The following PCDHGA1 variants were observed in gnomAD, a reference collection of about 807,000 sequenced individuals.
PCDHGA1 encodes protocadherin gamma subfamily A, 1.
PCDHGA1 carries 32 observed loss-of-function variants against 58.0 expected under a neutral mutation model. The observed-to-expected ratio is 0.55, with a 90% CI of 0.42 to 0.74. The LOEUF is 0.74. Ranked by LOEUF, PCDHGA1 falls within the 30% of genes least tolerant of loss-of-function variation. The probability of loss-of-function intolerance (pLI) is 0.00; values close to 1 mark genes in which losing one functional copy is unlikely to be tolerated. For missense variants in PCDHGA1, 1,205 were observed against 1,182.3 expected (o/e 1.02, Z -0.28); for synonymous variants, 498 against 501.1 (o/e 0.99, Z 0.08).
At chr5:141,403,491 T>A in intron 1 of PCDHGA1, 1 of 1,614,010 alleles carries the variant, frequency 6.2e-7, no homozygotes, top group South Asian at 1.1e-5. Context: ...CACTTCTCCC[T>A]GAACGTGCAG....
At position 141,332,787 on chromosome 5, in the gene PCDHGA1, C is replaced by T; in HGVS notation, c.2103C>T (p.Ser701=). 2 of 1,614,174 alleles carry T rather than the reference C, an allele frequency of 1.2e-6. No individual in the cohort carries two copies. Residue 701 remains serine (S), a synonymous_variant, in exon 1 of 4, where the codon TCC becomes TCT. Transcript: ENST00000517417. The surrounding 1 kb of genome is among the most constrained non-coding windows in gnomAD (Gnocchi z 4.6). ...LYLVVAAAAV[S]CVFLAFVIVL... ...TGGTGGTGGCGGCGGCCGCGGTCTC[C>T]TGCGTCTTCCTGGCCTTCGTCATCG...
intron 1 of PCDHGA1, among the ~76,000 whole-genome samples, chr5:141,474,185 C>T (rs1481544975): frequency 1.3e-5 from 2 of 152,180 alleles, no homozygotes; most frequent in Non-Finnish European, 2.9e-5. Flanking sequence ...AAACTACTTA[C>T]ATTTTTAAAA....
chr5:141,420,673 A>T (rs1244699899), intron 1 of PCDHGA1, among the ~76,000 whole-genome samples: 5 of 152,208 alleles, frequency 3.3e-5, no homozygotes, highest in Admixed American at 3.3e-4. Flanking sequence ...CTACCTGATG[A>T]TTTTATCGGG....
chr5:141,403,849 G>A, intron 1 of PCDHGA1: 1 of 1,613,560 alleles, frequency 6.2e-7, no homozygotes, highest in East Asian at 2.2e-5. Flanking sequence ...AAAATACTGG[G>A]GAAATATCAA....
chr5:141,443,167 C>T (rs745545091), intron 1 of PCDHGA1, among the ~76,000 whole-genome samples: 4 of 152,084 alleles, frequency 2.6e-5, no homozygotes, highest in Non-Finnish European at 5.9e-5. Flanking sequence ...TTTCCCTACC[C>T]ATGTCCACTG....
In PCDHGA1 at chr5:141,511,330, T is replaced by C; in HGVS notation, c.*157T>C. 1 of 1,455,994 alleles carries C rather than the reference T, an allele frequency of 6.9e-7. No homozygotes were observed. The highest frequency in any genetic ancestry group is 9.1e-7 in the Non-Finnish European group (1 of 1,093,254). 90.2% of individuals were successfully genotyped at this position (1,455,994 alleles called of 1,614,324 possible). ...TTGGGAAACAGAAACAAGTGCCCAG[T>C]CAGCACCTACCCCTTCCCCCCCAGG... On this transcript the variant is annotated 3_prime_UTR_variant, in exon 4 of 4. Coordinates refer to ENST00000517417, the MANE Select transcript of PCDHGA1 (RefSeq NM_018912.3).
chr5:141,510,289 A>T (rs1279501931), intron 3 of PCDHGA1, among the ~76,000 whole-genome samples: 3 of 151,754 alleles, frequency 2.0e-5, no homozygotes, highest in Non-Finnish European at 4.4e-5. Context: ...AAAAAAAAAA[A>T]AATGCTGTTT....
intron 2 of PCDHGA1, among the ~76,000 whole-genome samples, chr5:141,499,029 A>G (rs140948405): frequency 1.5e-3 from 205 of 140,068 alleles, no homozygotes; most frequent in African/African-American, 5.5e-3. Context: ...AGGAAGGAAG[A>G]AAAGAAAGAA....
In PCDHGA1 at chr5:141,490,081, T is replaced by A; in HGVS notation, c.2422-4726T>A. Reference sequence around the variant, plus strand: ...CACCAACGGCCAACTAGACTATTCTTTTGGAGACCACACATCTGAGGCAGT... The same window carrying A: ...CACCAACGGCCAACTAGACTATTCTATTGGAGACCACACATCTGAGGCAGT... On this transcript the variant is annotated intron_variant, in intron 1 of 3. Coordinates refer to ENST00000517417, the MANE Select transcript of PCDHGA1 (RefSeq NM_018912.3). The surrounding 1 kb of genome is among the most constrained non-coding windows in gnomAD (Gnocchi z 5.4). 3 of 1,614,216 alleles carry A rather than the reference T, an allele frequency of 1.9e-6. No homozygotes were observed. Among genetic ancestry groups the A allele is most frequent in the Non-Finnish European group, 2.5e-6 (3 of 1,180,040 alleles).
chr5:141,339,169 C>T (rs1171569269), intron 1 of PCDHGA1: 1 of 1,614,102 alleles, frequency 6.2e-7, no homozygotes, highest in East Asian at 2.2e-5. Flanking sequence ...GAGTCCGCAT[C>T]GTCTCCAGAG....
At chr5:141,384,000 T>C (rs1160567279) in intron 1 of PCDHGA1, 2 of 1,613,774 alleles carry the variant, frequency 1.2e-6, no homozygotes, top group African/African-American at 1.3e-5. Flanking sequence ...CAGTCATTGC[T>C]CTTTTCTACC....
At chr5:141,403,188 C>G (rs763950254) in intron 1 of PCDHGA1, 6 of 1,613,968 alleles carry the variant, frequency 3.7e-6, no homozygotes, top group Non-Finnish European at 4.2e-6. Context: ...TCTCTGAACC[C>G]GCGCAGCGGC....
chr5:141,359,952 G>A (rs2149810633), intron 1 of PCDHGA1: 1 of 554,208 alleles, frequency 1.8e-6, no homozygotes, highest in African/African-American at 1.9e-5. Flanking sequence ...TTGGTCAAAA[G>A]AACGAAGAGA....
intron 1 of PCDHGA1, among the ~76,000 whole-genome samples, chr5:141,438,619 TATATATATATATATATAC>T (rs1380852637): frequency 0.021 from 829 of 39,644 alleles, 15 homozygotes; most frequent in East Asian, 0.054. Context: ...TATATATATA[TATATATATATATATATAC>T]ACACACACAC....
At chr5:141,384,956 A>G (rs1305792842) in intron 1 of PCDHGA1, 1 of 1,613,934 alleles carries the variant, frequency 6.2e-7, no homozygotes, top group African/African-American at 1.3e-5. Flanking sequence ...GGTCCTTACA[A>G]CTATGACCTC....
chr5:141,344,023 C>A (rs1252667624), intron 1 of PCDHGA1: 1 of 1,524,482 alleles, frequency 6.6e-7, no homozygotes. Flanking sequence ...AAGCGATTCA[C>A]CGAAAAGGAA....
intron 1 of PCDHGA1, chr5:141,398,715 G>A: frequency 1.2e-6 from 2 of 1,613,850 alleles, no homozygotes; most frequent in Non-Finnish European, 1.7e-6. Flanking sequence ...AACTGGCACT[G>A]GAGAAAACCT....
In PCDHGA1 at chr5:141,432,115, C is replaced by G. The variant is rs753088299; in HGVS notation, c.2422-62692C>G. On this transcript the variant is annotated intron_variant, in intron 1 of 3. Transcript: ENST00000517417. This position sits in a 1 kb window ranked among gnomAD's most constrained non-coding sequence, Gnocchi z 6.0. ...ACACCAACGACAACCCGCCGGTCTT[C>G]CCTCAGGCCTCCTATTCCGCTTATA... The G allele has an allele frequency of 1.2e-5, 20 of 1,614,178 alleles. No individual in the cohort carries two copies. Among genetic ancestry groups the G allele is most frequent in the Non-Finnish European group, 1.6e-5 (19 of 1,180,050 alleles).
chr5:141,413,134 G>A, intron 1 of PCDHGA1: 1 of 1,543,438 alleles, frequency 6.5e-7, no homozygotes, highest in South Asian at 1.3e-5. Flanking sequence ...AACACACAAC[G>A]TGTCCAGTGA....
Sources: gnomAD v4.1 joint callset for allele counts (sites outside exome capture counted in the v4.1 genomes callset) on GRCh38, gnomAD v4.1.1 for gene constraint, Gnocchi (gnomAD v3.1) non-coding constraint, MANE v1.5 for transcripts, NCBI Gene and HGNC (gene_info 2026-07-23, HGNC 2026-07-21) for gene names.